TP63: variants seen among roughly 807,000 people sequenced by gnomAD.
TP63 encodes tumor protein 63.
In TP63, 17 loss-of-function variants were observed where a neutral mutation model predicts 82.8. The observed-to-expected ratio is 0.21, with a 90% CI of 0.14 to 0.31. The LOEUF is 0.31. TP63 is among the 10% of genes least tolerant of loss of function. The pLI is 1.00. For synonymous variants in TP63, 330 were observed against 321.7 expected (o/e 1.03, Z -0.28); for missense variants, 648 against 895.3 (o/e 0.72, Z 3.52).
intron 1 of TP63, among the ~76,000 whole-genome samples, chr3:189,711,407 A>T (rs1465896364): frequency 6.6e-6 from 1 of 152,172 alleles, no homozygotes; most frequent in Non-Finnish European, 1.5e-5. Flanking sequence ...CAACATTAGT[A>T]AGACAAGGCT....
chr3:189,778,708 T>C (rs533315145), intron 3 of TP63, among the ~76,000 whole-genome samples: 1 of 152,358 alleles, frequency 6.6e-6, no homozygotes, highest in East Asian at 1.9e-4. Context: ...ATGCTTAGAC[T>C]GAAGTATCAG....
chr3:189,613,643 A>G, the TP63 span, among the ~76,000 whole-genome samples: 5 of 152,294 alleles, frequency 3.3e-5, no homozygotes, highest in Admixed American at 3.3e-4. Context: ...GACAGCTTGC[A>G]TAGTGCACCT....
intron 1 of TP63, among the ~76,000 whole-genome samples, chr3:189,663,340 A>G (rs930575860): frequency 2.0e-5 from 3 of 152,092 alleles, no homozygotes; most frequent in Non-Finnish European, 4.4e-5. Context: ...AATGAAAGAA[A>G]TTAAGACCCA....
chr3:189,873,099 G>A, intron 10 of TP63, 104 bp downstream of exon 10: 1 of 1,567,632 alleles, frequency 6.4e-7, no homozygotes, highest in Non-Finnish European at 8.8e-7. Flanking sequence ...ATGGGAGATA[G>A]CAGATTGTCA....
chr3:189,884,788 CATG>C (rs1037644502), intron 10 of TP63, among the ~76,000 whole-genome samples: 20 of 152,186 alleles, frequency 1.3e-4, no homozygotes, highest in African/African-American at 4.8e-4. Flanking sequence ...CATTAATTGA[CATG>C]ATAATTTATA....
intron 4 of TP63, among the ~76,000 whole-genome samples, chr3:189,863,916 G>A (rs149397215): frequency 4.6e-5 from 7 of 152,176 alleles, no homozygotes; most frequent in East Asian, 3.9e-4. Context: ...GAAGCTACTC[G>A]TGGTTTCATT....
chr3:189,896,976 CT>C lies in TP63; in HGVS notation c.*2484del, dbSNP rs1484082829. ...CAGAGTTTTCATTAAATCCTTTTAC[CT>C]TTTTTTTTTCTTGGTAATCCCCTAA... On this transcript the variant is annotated 3_prime_UTR_variant, in exon 14 of 14. Coordinates refer to ENST00000264731, the MANE Select transcript of TP63 (RefSeq NM_003722.5). The C allele has an allele frequency of 1.1e-3, 242 of 213,020 alleles. No homozygotes were observed. The highest frequency in any genetic ancestry group is 4.3e-3 in the Middle Eastern group (3 of 690). The allele number at this position is 213,020 out of a possible 1,614,324, so 13.2% of individuals were successfully genotyped here.
At chr3:189,758,081 A>G (rs1479637953) in intron 3 of TP63, among the ~76,000 whole-genome samples, 1 of 152,184 alleles carries the variant, frequency 6.6e-6, no homozygotes, top group Non-Finnish European at 1.5e-5. Flanking sequence ...TGTAGAAGAC[A>G]ATTTTTCACA....
intron 3 of TP63, among the ~76,000 whole-genome samples, chr3:189,757,924 A>G (rs527489641): frequency 3.4e-4 from 46 of 134,862 alleles, no homozygotes; most frequent in African/African-American, 8.9e-4. Flanking sequence ...AGACCTCAGG[A>G]GTTGGGTGAA....
At chr3:189,706,754 A>C (rs1181742395) in intron 1 of TP63, among the ~76,000 whole-genome samples, 1 of 152,208 alleles carries the variant, frequency 6.6e-6, no homozygotes, top group Non-Finnish European at 1.5e-5. Flanking sequence ...ACCAAGGGAC[A>C]CAGGTTATCA....
chr3:189,840,492 CAG>C lies in TP63; in HGVS notation c.580-23730_580-23729del, dbSNP rs57868359. Among the ~76,000 whole-genome samples the C allele has an allele frequency of 2.0e-5, 3 of 148,634 alleles. No homozygotes were observed. The South Asian group carries it at 6.4e-4, about 32-fold the overall frequency. ...TGTGTGTGTGTGTTTATGAGAGAGA[CAG>C]AGAGAGAGATGGGAGAGGGTGAGAA... On this transcript the variant is annotated intron_variant, in intron 4 of 13. Coordinates refer to ENST00000264731, the MANE Select transcript of TP63 (RefSeq NM_003722.5).
intron 3 of TP63, among the ~76,000 whole-genome samples, chr3:189,805,515 T>C (rs1234092949): frequency 6.6e-6 from 1 of 152,236 alleles, no homozygotes; most frequent in African/African-American, 2.4e-5. Flanking sequence ...GGTGAAGTCC[T>C]AGGATAAAGC....
intron 3 of TP63, among the ~76,000 whole-genome samples, chr3:189,762,420 A>T (rs1722651720): frequency 6.6e-6 from 1 of 152,142 alleles, no homozygotes; most frequent in Admixed American, 6.6e-5. Context: ...GAGAGAAAAA[A>T]GGTCAGAGTT....
intron 6 of TP63, among the ~76,000 whole-genome samples, chr3:189,867,306 C>T (rs1717850392): frequency 6.6e-6 from 1 of 152,164 alleles, no homozygotes; most frequent in Non-Finnish European, 1.5e-5. Context: ...TGTGGACCTT[C>T]GGCAACTCTC....
upstream of TP63, among the ~76,000 whole-genome samples, chr3:189,630,576 A>G (rs927646907): frequency 6.6e-6 from 1 of 152,168 alleles, no homozygotes; most frequent in Non-Finnish European, 1.5e-5. Flanking sequence ...AAAATAAACT[A>G]GAATATTTTT....
intron 4 of TP63, among the ~76,000 whole-genome samples, chr3:189,821,893 T>A (rs2108676499): frequency 6.6e-6 from 1 of 152,324 alleles, no homozygotes; most frequent in East Asian, 1.9e-4. Flanking sequence ...AGATGAAGAT[T>A]ACAAATATGA....
intron 10 of TP63, among the ~76,000 whole-genome samples, chr3:189,878,100 G>A (rs1330971418): frequency 6.6e-6 from 1 of 152,040 alleles, no homozygotes; most frequent in Non-Finnish European, 1.5e-5. Flanking sequence ...CTTGTTTGGC[G>A]ATGGTTATCA....
At chr3:189,684,755 C>T (rs775518963) in intron 1 of TP63, among the ~76,000 whole-genome samples, 28 of 151,538 alleles carry the variant, frequency 1.8e-4, no homozygotes, top group Non-Finnish European at 3.4e-4. Context: ...CTCAGCCTCC[C>T]GAGTAGCTGA....
chr3:189,783,282 A>G (rs2108579632), intron 3 of TP63, among the ~76,000 whole-genome samples: 1 of 152,098 alleles, frequency 6.6e-6, no homozygotes, highest in Non-Finnish European at 1.5e-5. Context: ...ATATGTACAT[A>G]CTTAACAAAA....
Sources: gnomAD v4.1 joint callset for allele counts (sites outside exome capture counted in the v4.1 genomes callset) on GRCh38, gnomAD v4.1.1 for gene constraint, MANE v1.5 for transcripts, NCBI Gene and HGNC (gene_info 2026-07-23, HGNC 2026-07-21) for gene names.